Variants in MAP4 observed in about 807,000 individuals in gnomAD.
MAP4 encodes the protein microtubule-associated protein 4.
In MAP4, 76 loss-of-function variants were observed where a neutral mutation model predicts 170.2. That is an observed-to-expected ratio of 0.45 (90% CI 0.37 to 0.54). The LOEUF is 0.54. Ranked by LOEUF, MAP4 falls within the 20% of genes least tolerant of loss-of-function variation. The probability of loss-of-function intolerance (pLI) is 0.00; values close to 1 mark genes in which losing one functional copy is unlikely to be tolerated. For missense variants in MAP4, 2,506 were observed against 2,748.0 expected, an observed-to-expected ratio of 0.91 and a Z score of 1.97; for synonymous variants, 909 against 994.5, an observed-to-expected ratio of 0.91 and a Z score of 1.62.
At chr3:47,869,501 T>C (rs916701955) in intron 15 of MAP4, among the ~76,000 whole-genome samples, 174 bp from the exon 16 acceptor site, 4 of 152,010 alleles carry the variant, frequency 2.6e-5, no homozygotes, top group African/African-American at 4.8e-5. Flanking sequence ...AAGTCAAAGA[T>C]CCTTGAGTAG....
chr3:48,058,030 G>T (rs1254530917), intron 1 of MAP4, among the ~76,000 whole-genome samples: 1 of 152,124 alleles, frequency 6.6e-6, no homozygotes, highest in Non-Finnish European at 1.5e-5. Context: ...GAACATATTA[G>T]ACAATAAATA....
intron 5 of MAP4, among the ~76,000 whole-genome samples, chr3:47,919,811 C>G (rs564862549): frequency 5.7e-4 from 86 of 152,142 alleles, no homozygotes; most frequent in African/African-American, 2.0e-3. Flanking sequence ...ACATAATATA[C>G]TATAGTAAAA....
intron 3 of MAP4, among the ~76,000 whole-genome samples, chr3:47,959,283 C>G (rs1578332336): frequency 6.6e-6 from 1 of 151,910 alleles, no homozygotes; most frequent in East Asian, 1.9e-4. Context: ...CCTGGAGAAC[C>G]CCCGTCTCTA....
chr3:48,076,215 A>C (rs2100143801), intron 1 of MAP4, among the ~76,000 whole-genome samples: 1 of 150,264 alleles, frequency 6.7e-6, no homozygotes, highest in Admixed American at 6.6e-5. Context: ...ACCACATCTC[A>C]GCCGGGCGCA....
intron 2 of MAP4, among the ~76,000 whole-genome samples, chr3:47,993,327 TC>T (rs1311312914): frequency 2.0e-5 from 3 of 152,006 alleles, no homozygotes; most frequent in African/African-American, 7.3e-5. Context: ...GTAGTAAGAC[TC>T]TGTCTCAAAA....
chr3:47,869,775 C>G (rs1203748138), intron 15 of MAP4, among the ~76,000 whole-genome samples: 1 of 152,044 alleles, frequency 6.6e-6, no homozygotes, highest in Non-Finnish European at 1.5e-5. Flanking sequence ...AAGCAGAAAA[C>G]AATTCACTAG....
At chr3:48,018,733 G>A (rs979197438), upstream of MAP4, among the ~76,000 whole-genome samples, 2 of 152,118 alleles carry the variant, frequency 1.3e-5, no homozygotes, top group East Asian at 1.9e-4. Context: ...AACCTGGGAG[G>A]TGGAGGTTGC....
intron 9 of MAP4, among the ~76,000 whole-genome samples, chr3:47,906,032 C>T (rs1190712132): frequency 6.8e-6 from 1 of 147,392 alleles, no homozygotes; most frequent in African/African-American, 2.5e-5. Context: ...AGCACACACA[C>T]AAAATCTATG....
At chr3:47,933,578 C>T (rs1407153010) in intron 3 of MAP4, among the ~76,000 whole-genome samples, 4 of 150,870 alleles carry the variant, frequency 2.7e-5, no homozygotes, top group African/African-American at 9.8e-5. Context: ...GCTGGGACTA[C>T]TGGCATATGC....
chr3:47,889,303 A>T (rs1322600421), intron 10 of MAP4, among the ~76,000 whole-genome samples: 1 of 152,208 alleles, frequency 6.6e-6, no homozygotes, highest in African/African-American at 2.4e-5. Flanking sequence ...TTTGTTTAAT[A>T]TGAGTTCCCT....
At position 47,954,230 on chromosome 3, in the gene MAP4, T is replaced by C. The variant is rs185497549; in HGVS notation, c.292+23635A>G. On this transcript the variant is annotated intron_variant, in intron 3 of 20. Coordinates refer to ENST00000683076, the MANE Select transcript of MAP4 (RefSeq NM_001385682.1). ...CTGTCACAACCCCTAGGTATGGCCATGGGAAATGCCACCACTAAGTGGGTT... is the reference window on the plus strand; with the variant it reads ...CTGTCACAACCCCTAGGTATGGCCACGGGAAATGCCACCACTAAGTGGGTT... 1.7e-3 allele frequency among the ~76,000 whole-genome samples: 262 copies of C among 152,192 alleles called. 1 individual carries two copies. The highest frequency in any genetic ancestry group is 6.1e-3 in the African/African-American group (254 of 41,528).
chr3:47,913,905 T>G (rs1160003229), intron 8 of MAP4, among the ~76,000 whole-genome samples: 2 of 152,182 alleles, frequency 1.3e-5, no homozygotes, highest in Non-Finnish European at 2.9e-5. Context: ...CAGGTAATCT[T>G]CAAATTCACT....
chr3:48,080,425 T>C (rs942288395), intron 1 of MAP4, among the ~76,000 whole-genome samples: 3 of 152,166 alleles, frequency 2.0e-5, no homozygotes, highest in African/African-American at 4.8e-5. Flanking sequence ...GTATTTTTTT[T>C]AAAAAAGCTA....
intron 3 of MAP4, among the ~76,000 whole-genome samples, chr3:47,963,629 T>C (rs1217136673): frequency 5.3e-5 from 8 of 152,182 alleles, no homozygotes; most frequent in Admixed American, 1.3e-4. Flanking sequence ...CAGAAACAAA[T>C]AGATATTAAA....
intron 10 of MAP4, among the ~76,000 whole-genome samples, chr3:47,902,749 G>A (rs961462215): frequency 9.4e-5 from 14 of 149,576 alleles, no homozygotes; most frequent in African/African-American, 3.2e-4. Context: ...ATGAGGAAAG[G>A]AACTTCACAA....
At chr3:47,938,230 C>T (rs1284442752) in intron 3 of MAP4, among the ~76,000 whole-genome samples, 1 of 151,744 alleles carries the variant, frequency 6.6e-6, no homozygotes, top group South Asian at 2.1e-4. Flanking sequence ...AAATTAGCCA[C>T]GCATGGTGGC....
At chr3:47,941,492 C>A (rs900078497) in intron 3 of MAP4, among the ~76,000 whole-genome samples, 1 of 151,654 alleles carries the variant, frequency 6.6e-6, no homozygotes, top group Non-Finnish European at 1.5e-5. Context: ...AAAAGCGAAA[C>A]CATGGCTGGG....
At chr3:47,995,332 C>G (rs1368852260) in intron 2 of MAP4, among the ~76,000 whole-genome samples, 1 of 151,196 alleles carries the variant, frequency 6.6e-6, no homozygotes, top group African/African-American at 2.4e-5. Flanking sequence ...CTCACTGCCA[C>G]CTCCGCCTCC....
intron 3 of MAP4, among the ~76,000 whole-genome samples, chr3:47,942,031 G>A (rs1232044449): frequency 6.6e-6 from 1 of 152,078 alleles, no homozygotes; most frequent in Non-Finnish European, 1.5e-5. Flanking sequence ...AGTTTTAGAA[G>A]TCTGTTAGTC....
Sources: allele counts gnomAD v4.1 joint callset (sites outside exome capture counted in the v4.1 genomes callset), GRCh38; gene constraint gnomAD v4.1.1; transcripts MANE v1.5; gene names NCBI Gene and HGNC (gene_info 2026-07-23, HGNC 2026-07-21).